RNF144A: variants seen among roughly 807,000 people sequenced by gnomAD.
RNF144A encodes E3 ubiquitin-protein ligase RNF144A.
RNF144A carries 11 observed loss-of-function variants against 38.7 expected under a neutral mutation model. That is an observed-to-expected ratio of 0.28 (90% CI 0.18 to 0.47). RNF144A has a LOEUF of 0.47. RNF144A is among the 20% of genes least tolerant of loss of function. RNF144A has a pLI of 0.99. For missense variants in RNF144A, 316 were observed against 377.2 expected, an observed-to-expected ratio of 0.84 and a Z score of 1.34; for synonymous variants, 149 against 143.9, an observed-to-expected ratio of 1.04 and a Z score of -0.25.
At position 7,003,404 on chromosome 2, in the gene RNF144A, T is replaced by A. The variant is rs75444533; in HGVS notation, c.135+6343T>A. 4.5e-3 allele frequency among the ~76,000 whole-genome samples: 689 copies of A among 152,354 alleles called. 3 individuals are homozygous for A. Among genetic ancestry groups the A allele is most frequent in the Non-Finnish European group, 6.9e-3 (467 of 68,042 alleles). On this transcript the variant is annotated intron_variant, in intron 3 of 8. Coordinates refer to ENST00000320892, the MANE Select transcript of RNF144A (RefSeq NM_014746.6). ...CGCCCTGTATAAGTATATGATTTTT[T>A]ACATCTTTTATAGCATATTTTAAAC...
intron 8 of RNF144A, among the ~76,000 whole-genome samples, chr2:7,032,724 A>G (rs1328120130): frequency 6.6e-6 from 1 of 152,198 alleles, no homozygotes; most frequent in East Asian, 1.9e-4. Context: ...GGCCCACGCT[A>G]ATCACCTCAT....
intron 2 of RNF144A, among the ~76,000 whole-genome samples, chr2:6,967,208 C>A (rs1041416935): frequency 6.6e-6 from 1 of 152,164 alleles, no homozygotes; most frequent in Non-Finnish European, 1.5e-5. Context: ...TGAACTTTAC[C>A]CATCACTATG....
chr2:7,020,241 G>T (rs1671427525), intron 5 of RNF144A, among the ~76,000 whole-genome samples: 1 of 152,158 alleles, frequency 6.6e-6, no homozygotes, highest in African/African-American at 2.4e-5. Flanking sequence ...GCATTCCTGA[G>T]GGATGTCTGG....
intron 1 of RNF144A, among the ~76,000 whole-genome samples, chr2:6,930,785 G>C (rs193193108): frequency 8.6e-5 from 13 of 152,012 alleles, no homozygotes; most frequent in African/African-American, 2.9e-4. Context: ...GTAGAGGGGG[G>C]GATTTGCCAT....
downstream of RNF144A, among the ~76,000 whole-genome samples, chr2:7,047,699 G>T (rs547938832): frequency 1.1e-4 from 16 of 152,330 alleles, no homozygotes; most frequent in South Asian, 3.1e-3. Context: ...TGAACTGGAG[G>T]TGTAGACAGT....
At chr2:6,987,274 G>A (rs923925859) in intron 2 of RNF144A, among the ~76,000 whole-genome samples, 1 of 152,234 alleles carries the variant, frequency 6.6e-6, no homozygotes. Flanking sequence ...CTGGTCTGCA[G>A]ATCTGCGGGG....
At chr2:7,016,074 A>G (rs935790820) in intron 5 of RNF144A, among the ~76,000 whole-genome samples, 1 of 149,408 alleles carries the variant, frequency 6.7e-6, no homozygotes. Flanking sequence ...GTTCAAGTCC[A>G]GCCTGGGCAA....
intron 8 of RNF144A, among the ~76,000 whole-genome samples, chr2:7,038,110 C>T (rs116604696): frequency 6.6e-6 from 1 of 152,172 alleles, no homozygotes. Context: ...TAGGGATAAA[C>T]ATGTTTTCAA....
At chr2:7,007,662 G>A (rs1330428804) in intron 3 of RNF144A, among the ~76,000 whole-genome samples, 2 of 152,110 alleles carry the variant, frequency 1.3e-5, no homozygotes, top group African/African-American at 4.8e-5. Flanking sequence ...GTGACAGGCC[G>A]AGTCCCTGCC....
intron 6 of RNF144A, among the ~76,000 whole-genome samples, chr2:7,049,568 A>G (rs547484770): frequency 2.6e-5 from 4 of 152,348 alleles, no homozygotes; most frequent in African/African-American, 9.6e-5. Context: ...TGAGTTTTCA[A>G]CGACACGAAA....
chr2:6,971,616 A>G lies in RNF144A; in HGVS notation c.-11-25300A>G, dbSNP rs1258301292. On this transcript the variant is annotated intron_variant, in intron 2 of 8. Transcript: ENST00000320892. ...AACATGGGGCAATCAGTTATTCTAG[A>G]CACAGACAGCTCTGGCACGTGTATG... is the stretch of plus-strand genomic sequence containing the variant. Among the ~76,000 whole-genome samples the G allele has an allele frequency of 2.0e-5, 3 of 152,308 alleles. No homozygotes were observed. In the East Asian group the frequency reaches 5.8e-4, roughly 29 times the overall value.
intron 2 of RNF144A, among the ~76,000 whole-genome samples, chr2:6,977,581 A>G (rs1668392070): frequency 6.6e-6 from 1 of 152,246 alleles, no homozygotes; most frequent in Admixed American, 6.5e-5. Context: ...ATATGGGCAT[A>G]AAATGATCTC....
Position 7,039,866 on chromosome 2 carries a change from C to G in RNF144A, c.*106C>G. ...TAAACATCTTTCTTGCCTTATGTGC[C>G]CCATTGAGCTTCACAGTGTCAGGCT... On this transcript the variant is annotated 3_prime_UTR_variant, in exon 9 of 9. Transcript: ENST00000320892. The G allele has an allele frequency of 1.3e-6, 2 of 1,499,190 alleles. No individual in the cohort carries two copies. Among genetic ancestry groups the G allele is most frequent in the South Asian group, 2.7e-5 (2 of 75,022 alleles). The allele number at this position is 1,499,190 out of a possible 1,614,324, so 92.9% of individuals were successfully genotyped here.
chr2:6,982,617 T>C (rs982758015), intron 2 of RNF144A, among the ~76,000 whole-genome samples: 4 of 152,296 alleles, frequency 2.6e-5, no homozygotes, highest in African/African-American at 9.6e-5. Context: ...CGATGTCAAG[T>C]ATGTCAGAGA....
At chr2:6,922,692 T>A (rs1338638021) in intron 1 of RNF144A, among the ~76,000 whole-genome samples, 1 of 150,942 alleles carries the variant, frequency 6.6e-6, no homozygotes, top group African/African-American at 2.4e-5. Context: ...TGGTGCAATC[T>A]CAGCTCACTG....
At chr2:6,955,502 G>A (rs1666945877) in intron 2 of RNF144A, among the ~76,000 whole-genome samples, 1 of 152,166 alleles carries the variant, frequency 6.6e-6, no homozygotes. Context: ...GCCCATTCCA[G>A]GCCCTCCTGC....
chr2:7,034,301 G>A (rs1041549578), intron 8 of RNF144A, among the ~76,000 whole-genome samples: 2 of 151,962 alleles, frequency 1.3e-5, no homozygotes, highest in East Asian at 1.9e-4. Context: ...ACAAAAGTGC[G>A]GTGAGACTTG....
intron 6 of RNF144A, among the ~76,000 whole-genome samples, chr2:7,051,172 C>T (rs751804055): frequency 2.0e-5 from 3 of 152,020 alleles, no homozygotes; most frequent in Non-Finnish European, 2.9e-5. Context: ...GAATTGGGGT[C>T]GGGGATGGAG....
Position 7,002,991 on chromosome 2 carries a change from G to T in RNF144A, c.135+5930G>T, listed in dbSNP as rs115957592. 3.6e-3 allele frequency among the ~76,000 whole-genome samples: 541 copies of T among 151,764 alleles called. 1 individual carries two copies. The highest frequency in any genetic ancestry group is 0.013 in the African/African-American group (525 of 41,296). ...TGTGTCTTAGTTTTTAACAAAAAAA[G>T]TTTAAAAAAAATAAAAAAATTTACA... is the stretch of plus-strand genomic sequence containing the variant. On this transcript the variant is annotated intron_variant, in intron 3 of 8. Coordinates refer to ENST00000320892, the MANE Select transcript of RNF144A (RefSeq NM_014746.6).
Sources: gnomAD v4.1 joint callset for allele counts (sites outside exome capture counted in the v4.1 genomes callset) on GRCh38, gnomAD v4.1.1 for gene constraint, MANE v1.5 for transcripts, NCBI Gene and HGNC (gene_info 2026-07-23, HGNC 2026-07-21) for gene names.